Variants in PHF20L1 observed in about 807,000 individuals in gnomAD.
PHF20L1 encodes PHD finger protein 20 like 1.
PHF20L1 carries 44 observed loss-of-function variants against 125.5 expected under a neutral mutation model. The observed-to-expected ratio is 0.35, with a 90% confidence interval of 0.28 to 0.45. PHF20L1 has a LOEUF of 0.45. Among genes scored for constraint, PHF20L1 ranks in the 20% least tolerant of loss-of-function variants. PHF20L1 has a pLI of 1.00. For missense variants in PHF20L1, 1,012 were observed against 1,217.2 expected (o/e 0.83, Z 2.51); for synonymous variants, 380 against 403.1 (o/e 0.94, Z 0.69).
At chr8:132,813,386 G>A (rs1834599746) in intron 9 of PHF20L1, among the ~76,000 whole-genome samples, 1 of 151,956 alleles carries the variant, frequency 6.6e-6, no homozygotes. Context: ...TGTCCAACAT[G>A]CTGTCTATAG....
At position 132,817,389 on chromosome 8, in the gene PHF20L1, C is replaced by T. The variant is rs770969404; in HGVS notation, c.1423C>T (p.Leu475Phe). Residue 475 changes from leucine (L) to phenylalanine (F), a missense_variant, in exon 12 of 21, where the codon CTT (leucine) becomes TTT (phenylalanine). By Grantham distance (22) the Leu-to-Phe change is conservative (BLOSUM62 0). This residue lies in a region of PHF20L1 where 320 missense variants were observed against 293.8 expected (regional missense o/e 1.09). Coordinates refer to ENST00000395386, the MANE Select transcript of PHF20L1 (RefSeq NM_016018.5). ...PLEKLGPCLPLDLSRGSEVTA... is the reference protein window; with the variant it reads ...PLEKLGPCLPFDLSRGSEVTA... The stretch of plus-strand genomic sequence containing the variant: ...TGAGAAGCTGGGACCCTGTCTCCCT[C>T]TTGACTTAAGTCGTGGTTCAGAAGT... The T allele has an allele frequency of 6.2e-7, 1 of 1,612,780 alleles. No homozygotes were observed. The highest frequency in any genetic ancestry group is 8.5e-7 in the Non-Finnish European group (1 of 1,179,194).
At chr8:132,789,118 C>T (rs1586869477) in intron 2 of PHF20L1, 1 of 152,044 alleles carries the variant, frequency 6.6e-6, no homozygotes, top group Non-Finnish European at 1.5e-5. Flanking sequence ...TTAAGCAAAA[C>T]ATATTTATGT....
intron 2 of PHF20L1, among the ~76,000 whole-genome samples, chr8:132,791,584 A>G (rs570646388): frequency 6.6e-6 from 1 of 152,280 alleles, no homozygotes; most frequent in East Asian, 1.9e-4. Flanking sequence ...ATGTACCAAT[A>G]GTGCCTAGCA....
At chr8:132,790,329 C>T in intron 2 of PHF20L1, among the ~76,000 whole-genome samples, 1 of 152,166 alleles carries the variant, frequency 6.6e-6, no homozygotes, top group East Asian at 1.9e-4. Context: ...AATAACTTCA[C>T]TGTGCAAAGC....
chr8:132,812,806 A>C, intron 9 of PHF20L1: 1 of 983,428 alleles, frequency 1.0e-6, no homozygotes, highest in Non-Finnish European at 1.2e-6. Context: ...CTGTTTCCTA[A>C]TGAGTTAAAG....
intron 2 of PHF20L1, among the ~76,000 whole-genome samples, chr8:132,780,183 G>C (rs1051687918): frequency 6.6e-6 from 1 of 152,054 alleles, no homozygotes. Context: ...GTAGTTTCAA[G>C]AACTAGTTAG....
intron 9 of PHF20L1, chr8:132,812,033 G>A (rs888045542): frequency 4.5e-5 from 44 of 983,614 alleles, no homozygotes; most frequent in Admixed American, 1.2e-4. Flanking sequence ...ATAACAATGC[G>A]TTGTTTTGGT....
In PHF20L1 at chr8:132,780,426, A is replaced by T. The variant is rs970075531; in HGVS notation, c.83+2515A>T. ...TTTTGCATTAATATTAAGTAAAATT[A>T]TAGAATTATTTGACAAGAAACTGAC... On this transcript the variant is annotated intron_variant, in intron 2 of 20. Transcript: ENST00000395386. Among the ~76,000 whole-genome samples, 9 of 152,226 alleles carry T rather than the reference A, an allele frequency of 5.9e-5. No individual in the cohort carries two copies. In the South Asian group the frequency reaches 1.7e-3, roughly 28 times the overall value.
At chr8:132,816,834 G>GT in intron 10 of PHF20L1, 54 bp from the exon 11 acceptor site, 2 of 1,143,926 alleles carry the variant, frequency 1.7e-6, no homozygotes, top group South Asian at 2.5e-5. Flanking sequence ...CTTAAATATT[G>GT]TAAGATGCTC....
In PHF20L1 at chr8:132,825,290, A is replaced by G; in HGVS notation, c.1663A>G (p.Arg555Gly). Residue 555 changes from arginine to glycine, a missense_variant, in exon 14 of 21, where the codon AGA (arginine) becomes GGA (glycine). Around this residue, in one of 7 missense-constraint regions of PHF20L1, gnomAD observed 320 missense variants for 293.8 expected, o/e 1.09. Transcript: ENST00000395386. ...TAAGAGAAAAGAAAAAGATAAGGAA[A>G]GAAGAGAGAAGAGAGACAAAGATCA... ...FGKRKEKDKERREKRDKDHYR... is the reference protein window; with the variant it reads ...FGKRKEKDKEGREKRDKDHYR... 6.5e-7 allele frequency: 1 copy of G among 1,534,814 alleles called. No homozygotes were observed. Among genetic ancestry groups the G allele is most frequent in the South Asian group, 1.1e-5 (1 of 88,724 alleles).
Position 132,811,115 on chromosome 8 carries a change from C to T in PHF20L1, c.917C>T (p.Pro306Leu), listed in dbSNP as rs760664435. 1 of 1,611,794 alleles carries T rather than the reference C, an allele frequency of 6.2e-7. No homozygotes were observed. Among genetic ancestry groups the T allele is most frequent in the Non-Finnish European group, 8.5e-7 (1 of 1,178,268 alleles). ...AAGGAAGACTACAATGAAACAGCTC[C>T]AATGCTGGAGCAGGTATGAAATGGT... ...EKKEDYNETA[P>L]MLEQAISPKP... The change falls in exon 9 of 21, where the codon CCA becomes CTA. Residue 306 changes from proline (P) to leucine (L), a missense_variant. Pro to Leu is a moderately conservative substitution (Grantham distance 98, BLOSUM62 -3). Coordinates refer to ENST00000395386, the MANE Select transcript of PHF20L1 (RefSeq NM_016018.5).
chr8:132,826,465 A>C (rs946966359), intron 14 of PHF20L1: 1 of 152,146 alleles, frequency 6.6e-6, no homozygotes, highest in African/African-American at 2.4e-5. Context: ...GGAGCAGCCC[A>C]GCTCTCCATC....
chr8:132,831,190 A>G (rs1836736203), intron 14 of PHF20L1, among the ~76,000 whole-genome samples: 1 of 152,036 alleles, frequency 6.6e-6, no homozygotes, highest in South Asian at 2.1e-4. Context: ...TAAGCATTGA[A>G]TGACTTTTTA....
Position 132,825,314 on chromosome 8 carries a change from C to G in PHF20L1, c.1687C>G (p.His563Asp), listed in dbSNP as rs374271427. Residue 563 changes from histidine to aspartate, a missense_variant, in exon 14 of 21, where the codon CAC becomes GAC. His to Asp is a moderately conservative substitution (Grantham distance 81, BLOSUM62 -1). Transcript: ENST00000395386. ...KERREKRDKD[H>D]YRPKQKKKKK... is the part of the protein sequence containing the mutation. ...AAGAAGAGAGAAGAGAGACAAAGAT[C>G]ACTACAGACCAAAACAGAAGAAGAA... 28 of 1,499,808 alleles carry G rather than the reference C, an allele frequency of 1.9e-5. No individual in the cohort carries two copies. The highest frequency in any genetic ancestry group is 2.5e-5 in the Non-Finnish European group (27 of 1,084,714). The allele number at this position is 1,499,808 out of a possible 1,614,324, so 92.9% of individuals were successfully genotyped here.
chr8:132,776,588 C>T (rs942551767), intron 1 of PHF20L1, among the ~76,000 whole-genome samples: 1 of 152,124 alleles, frequency 6.6e-6, no homozygotes, highest in Non-Finnish European at 1.5e-5. Context: ...TATTTGAGTT[C>T]GCATATTTTC....
chr8:132,814,362 G>C (rs901065824), intron 9 of PHF20L1, among the ~76,000 whole-genome samples: 1 of 151,804 alleles, frequency 6.6e-6, no homozygotes, highest in African/African-American at 2.4e-5. Flanking sequence ...TATTTGTCCA[G>C]TAAGATAACA....
intron 18 of PHF20L1, among the ~76,000 whole-genome samples, chr8:132,840,805 A>G (rs879793455): frequency 4.6e-5 from 7 of 152,052 alleles, no homozygotes; most frequent in Non-Finnish European, 7.4e-5. Context: ...TGTGTCAGCC[A>G]CTTTGGTATG....
intron 9 of PHF20L1, chr8:132,811,690 T>A (rs750983876): frequency 2.5e-5 from 25 of 985,344 alleles, no homozygotes; most frequent in Non-Finnish European, 3.0e-5. Flanking sequence ...TTGCAGTTGC[T>A]AGATTTTGCC....
intron 4 of PHF20L1, 55 bp from the exon 5 acceptor site, chr8:132,798,717 G>A: frequency 9.1e-7 from 1 of 1,099,874 alleles, no homozygotes; most frequent in Admixed American, 1.9e-5. Flanking sequence ...GATTTCAAGT[G>A]TTGCTGTAAA....
Sources: gnomAD v4.1 joint callset for allele counts (sites outside exome capture counted in the v4.1 genomes callset) on GRCh38, gnomAD v4.1.1 for gene constraint, gnomAD v4.1.1 regional missense constraint, MANE v1.5 for transcripts, NCBI Gene and HGNC (gene_info 2026-07-23, HGNC 2026-07-21) for gene names.